The following TRIM4 variants were observed in gnomAD, a reference collection of about 807,000 sequenced individuals.
TRIM4 encodes E3 ubiquitin-protein ligase TRIM4.
A neutral mutation model predicts 33.7 loss-of-function variants in TRIM4; 29 were observed. That is an observed-to-expected ratio of 0.86 (90% CI 0.64 to 1.17). The LOEUF is 1.17. Among genes scored for constraint, TRIM4 ranks in the 50% most tolerant of loss-of-function variants. The probability of loss-of-function intolerance (pLI) is 0.00; values close to 1 mark genes in which losing one functional copy is unlikely to be tolerated. For missense variants in TRIM4, 554 were observed against 593.7 expected, an observed-to-expected ratio of 0.93 and a Z score of 0.69; for synonymous variants, 224 against 233.0, an observed-to-expected ratio of 0.96 and a Z score of 0.35.
chr7:99,899,498 T>C (rs187490347), intron 5 of TRIM4, among the ~76,000 whole-genome samples: 1 of 152,298 alleles, frequency 6.6e-6, no homozygotes, highest in African/African-American at 2.4e-5. Flanking sequence ...ATGAAGTCAG[T>C]AGGGGACTGG....
At chr7:99,893,315 T>C (rs1818939422) in intron 5 of TRIM4, among the ~76,000 whole-genome samples, 1 of 151,608 alleles carries the variant, frequency 6.6e-6, no homozygotes, top group Non-Finnish European at 1.5e-5. Context: ...AATTATTTCA[T>C]GCCCCAAGTT....
chr7:99,893,400 G>A (rs1002910922), intron 5 of TRIM4, among the ~76,000 whole-genome samples: 4 of 152,106 alleles, frequency 2.6e-5, no homozygotes, highest in Admixed American at 6.5e-5. Flanking sequence ...CAAGGCTGCC[G>A]ACTAGCTGGT....
At chr7:99,896,248 A>G (rs1221348764) in intron 5 of TRIM4, among the ~76,000 whole-genome samples, 2 of 152,138 alleles carry the variant, frequency 1.3e-5, no homozygotes, top group Admixed American at 1.3e-4. Flanking sequence ...CAATGACCCT[A>G]TGGTCCAAGT....
Position 99,892,615 on chromosome 7 carries a change from A to C in TRIM4, c.973T>G (p.Trp325Gly). ...AAAGCAGTCTTCTGAGGATTCCTCC[A>C]TCCAGCAAAGTAGTTCCATGCTGAA... ...FSSAWNYFAG[W>G]RNPQKTAFVE... Residue 325 changes from tryptophan to glycine, a missense_variant, in exon 6 of 6, where the codon TGG becomes GGG. This residue lies in a region of TRIM4 where 290 missense variants were observed against 335.8 expected (regional missense o/e 0.86). Transcript: ENST00000349062. 6.2e-7 allele frequency: 1 copy of C among 1,614,198 alleles called. No homozygotes were observed. The highest frequency in any genetic ancestry group is 8.5e-7 in the Non-Finnish European group (1 of 1,180,034).
At chr7:99,902,974 G>A (rs41280953) in intron 5 of TRIM4, among the ~76,000 whole-genome samples, 10,120 of 152,058 alleles carry the variant, frequency 0.067, 361 homozygotes, top group Middle Eastern at 0.075. Context: ...CTGTGTGTCT[G>A]TCTCTCCAAT....
In TRIM4 at chr7:99,905,050, TAA is replaced by T. The variant is rs57743736; in HGVS notation, c.721-1454_721-1453del. Among the ~76,000 whole-genome samples, 1,152 of 147,970 alleles carry T rather than the reference TAA, an allele frequency of 7.8e-3. 14 individuals carry two copies. The highest frequency in any genetic ancestry group is 0.024 in the African/African-American group (951 of 40,118). On this transcript the variant is annotated intron_variant, in intron 3 of 5. Coordinates refer to ENST00000349062, the MANE Select transcript of TRIM4 (RefSeq NM_033091.3). ...TGTCTAAAAAATAAAAAATAAAAATTAAAAAAAAAAAATAGCTTTATCAAGGA... is the reference window on the plus strand; with the variant it reads ...TGTCTAAAAAATAAAAAATAAAAATTAAAAAAAAAATAGCTTTATCAAGGA...
intron 2 of TRIM4, 34 bp downstream of exon 2, chr7:99,909,531 G>A: frequency 1.3e-6 from 2 of 1,596,172 alleles, no homozygotes; most frequent in Non-Finnish European, 1.7e-6. Context: ...AAGGACCTCA[G>A]GAGCAAGAAA....
rs900754795 is a variant in TRIM4, at chr7:99,918,993, G to A, written c.393+16C>T. 6.3e-6 allele frequency: 10 copies of A among 1,580,142 alleles called. No homozygotes were observed. The African/African-American group carries it at 1.1e-4, about 18-fold the overall frequency. On this transcript the variant is annotated intron_variant, in intron 1 of 5. Coordinates refer to ENST00000349062, the MANE Select transcript of TRIM4 (RefSeq NM_033091.3). ...CACTGACAGCCCCGTCATAGTCACC[G>A]CGACGGCCAGCTCACCCGGTAGCTC...
rs191241299 is a variant in TRIM4, at chr7:99,917,787, C to A, written c.393+1222G>T. On this transcript the variant is annotated intron_variant, in intron 1 of 5. Coordinates refer to ENST00000349062, the MANE Select transcript of TRIM4 (RefSeq NM_033091.3). The stretch of plus-strand genomic sequence containing the variant: ...ATGTACTTACTGCATATCAATTCTG[C>A]TGGAGACCACTGGAGTTACACCATC... The A allele has an allele frequency of 4.1e-6, 4 of 982,024 alleles. No homozygotes were observed. In the Admixed American group the frequency reaches 2.5e-4, roughly 61 times the overall value. The allele number at this position is 982,024 out of a possible 1,614,324, so 60.8% of individuals were successfully genotyped here.
chr7:99,899,276 T>C (rs1819098687), intron 5 of TRIM4, among the ~76,000 whole-genome samples: 1 of 152,182 alleles, frequency 6.6e-6, no homozygotes, highest in Admixed American at 6.5e-5. Flanking sequence ...ATCGAGGCCC[T>C]TTCTTTTGGG....
chr7:99,909,456 C>T, intron 2 of TRIM4, 109 bp downstream of exon 2: 1 of 841,664 alleles, frequency 1.2e-6, no homozygotes, highest in Non-Finnish European at 1.9e-6. Context: ...GCATCCAAGA[C>T]TCTACGTGAA....
chr7:99,905,560 T>C (rs1415060961), intron 3 of TRIM4, among the ~76,000 whole-genome samples: 1 of 152,170 alleles, frequency 6.6e-6, no homozygotes, highest in Non-Finnish European at 1.5e-5. Context: ...TTGGGCTGGA[T>C]AAGTCTTTGC....
At chr7:99,917,772 T>C (rs1819588066) in intron 1 of TRIM4, 1 of 957,644 alleles carries the variant, frequency 1.0e-6, no homozygotes, top group Admixed American at 6.2e-5. Flanking sequence ...ATGTACTTAC[T>C]GCATATCAAT....
Position 99,919,050 on chromosome 7 carries a change from G to A in TRIM4, c.352C>T (p.His118Tyr), listed in dbSNP as rs1176936880. 6.3e-7 allele frequency: 1 copy of A among 1,582,200 alleles called. No homozygotes were observed. Among genetic ancestry groups the A allele is most frequent in the Non-Finnish European group, 8.6e-7 (1 of 1,166,314 alleles). The change falls in exon 1 of 6, where the codon CAC (histidine) becomes TAC (tyrosine). Residue 118 changes from histidine (H) to tyrosine (Y), a missense_variant. His to Tyr is a moderately conservative substitution (Grantham distance 83, BLOSUM62 2). Transcript: ENST00000349062. The part of the protein sequence containing the change: ...VCRESQEHQT[H>Y]AMAPIDEAFE... ...GCCTCGTCGATGGGTGCCATGGCGT[G>A]AGTCTGGTGCTCCTGGGACTCCCTG...
intron 5 of TRIM4, among the ~76,000 whole-genome samples, chr7:99,902,536 C>T (rs1819200061): frequency 6.6e-6 from 1 of 152,118 alleles, no homozygotes; most frequent in Non-Finnish European, 1.5e-5. Context: ...CATGAGCCTT[C>T]GTGCCCGGCC....
intron 1 of TRIM4, among the ~76,000 whole-genome samples, chr7:99,910,575 TTATC>T (rs1194846428): frequency 6.6e-6 from 1 of 152,190 alleles, no homozygotes; most frequent in African/African-American, 2.4e-5. Context: ...GCATACGTGT[TTATC>T]TATGTGTGTG....
At chr7:99,900,512 A>G (rs947834219) in intron 5 of TRIM4, among the ~76,000 whole-genome samples, 5 of 152,172 alleles carry the variant, frequency 3.3e-5, no homozygotes, top group East Asian at 1.9e-4. Context: ...ACAATAATAT[A>G]TATTTATTCG....
At chr7:99,914,283 G>A (rs757791044) in intron 1 of TRIM4, among the ~76,000 whole-genome samples, 2 of 152,098 alleles carry the variant, frequency 1.3e-5, no homozygotes, top group Admixed American at 6.5e-5. Flanking sequence ...TCGGCCTCCC[G>A]AATAGCTGGG....
intron 5 of TRIM4, among the ~76,000 whole-genome samples, chr7:99,893,695 T>C (rs138692069): frequency 1.4e-3 from 215 of 152,148 alleles, no homozygotes; most frequent in Non-Finnish European, 2.5e-3. Context: ...AATAGCTAGT[T>C]AGTCACCAAG....
Sources: gnomAD v4.1 joint callset for allele counts (sites outside exome capture counted in the v4.1 genomes callset) on GRCh38, gnomAD v4.1.1 for gene constraint, gnomAD v4.1.1 regional missense constraint, MANE v1.5 for transcripts, NCBI Gene and HGNC (gene_info 2026-07-23, HGNC 2026-07-21) for gene names.